Variants in SGCD observed in about 807,000 individuals in gnomAD.
The protein encoded by SGCD is delta-sarcoglycan.
In SGCD, 18 loss-of-function variants were observed where a neutral mutation model predicts 36.6. The observed-to-expected ratio is 0.49, with a 90% CI of 0.34 to 0.73. SGCD has a LOEUF of 0.73. Among genes scored for constraint, SGCD ranks in the 30% least tolerant of loss-of-function variants. The probability of loss-of-function intolerance (pLI) is 0.01; values close to 1 mark genes in which losing one functional copy is unlikely to be tolerated. For synonymous variants in SGCD, 133 were observed against 130.6 expected, an observed-to-expected ratio of 1.02 and a Z score of -0.12; for missense variants, 387 against 346.7, an observed-to-expected ratio of 1.12 and a Z score of -0.92.
At chr5:155,910,129 G>T (rs916938069) in intron 1 of SGCD, among the ~76,000 whole-genome samples, 8 of 151,886 alleles carry the variant, frequency 5.3e-5, no homozygotes, top group Non-Finnish European at 1.2e-4. Context: ...GTTGGGTGAG[G>T]ATGGGAAATG....
chr5:156,595,652 G>A (rs928913226), intron 6 of SGCD, among the ~76,000 whole-genome samples: 10 of 152,186 alleles, frequency 6.6e-5, no homozygotes, highest in Non-Finnish European at 1.2e-4. Context: ...GTCTCATTTA[G>A]AACATCCTGT....
chr5:156,444,755 T>A (rs1363001692), intron 3 of SGCD, among the ~76,000 whole-genome samples: 1 of 152,140 alleles, frequency 6.6e-6, no homozygotes, highest in Non-Finnish European at 1.5e-5. Flanking sequence ...ACATTCAGCA[T>A]GAAAATGTAT....
chr5:156,303,993 C>T (rs1767130208), intron 3 of SGCD, among the ~76,000 whole-genome samples: 1 of 151,960 alleles, frequency 6.6e-6, no homozygotes, highest in African/African-American at 2.4e-5. Context: ...GTCATAGGCA[C>T]CCCAAATTCA....
chr5:155,924,324 T>C (rs968274671), intron 1 of SGCD, among the ~76,000 whole-genome samples: 1 of 152,152 alleles, frequency 6.6e-6, no homozygotes, highest in Non-Finnish European at 1.5e-5. Flanking sequence ...ATTCATCAAA[T>C]AGTTTATTGT....
intron 3 of SGCD, among the ~76,000 whole-genome samples, chr5:156,497,987 G>A (rs1463493808): frequency 1.3e-5 from 2 of 152,068 alleles, no homozygotes; most frequent in African/African-American, 4.8e-5. Flanking sequence ...CATTCTCTGT[G>A]TCTTATTCAG....
At chr5:156,032,762 A>G (rs1010839580) in intron 1 of SGCD, among the ~76,000 whole-genome samples, 1 of 148,214 alleles carries the variant, frequency 6.7e-6, no homozygotes, top group Non-Finnish European at 1.5e-5. Flanking sequence ...AAATACACCT[A>G]GCACCAGGCA....
chr5:155,843,452 A>G, the SGCD span, among the ~76,000 whole-genome samples: 5 of 152,322 alleles, frequency 3.3e-5, no homozygotes, highest in Admixed American at 2.6e-4. Flanking sequence ...AAAGGGAGGT[A>G]ACAGCAGATT....
rs185110025 is a variant in SGCD at position 156,075,203 on chromosome 5, T to C, written c.-281-42675T>C. 7.6e-5 allele frequency among the ~76,000 whole-genome samples: 11 copies of C among 145,496 alleles called. No individual in the cohort carries two copies. The East Asian group carries it at 2.1e-3, about 28-fold the overall frequency. On this transcript the variant is annotated intron_variant, in intron 1 of 9. Transcript: ENST00000517913. ...TGTAGTCAAATTTACAAAAAAAAAA[T>C]GCAGAAAGTGAATTAGAACTCTTTA...
At position 156,759,459 on chromosome 5, in the gene SGCD, C is replaced by T; in HGVS notation, c.*69C>T. The T allele has an allele frequency of 9.4e-7, 1 of 1,058,798 alleles. No individual in the cohort carries two copies. The allele number at this position is 1,058,798 out of a possible 1,614,324, so 65.6% of individuals were successfully genotyped here. On this transcript the variant is annotated 3_prime_UTR_variant, in exon 9 of 9. Coordinates refer to ENST00000337851, the MANE Select transcript of SGCD (RefSeq NM_000337.6). ...TTTGGCTTTAGACACTGGCTGCCAG[C>T]TATTTTTACTAGAACACAGAAAGCC...
chr5:156,090,477 G>A (rs1178773236), intron 1 of SGCD, among the ~76,000 whole-genome samples: 1 of 152,134 alleles, frequency 6.6e-6, no homozygotes, highest in East Asian at 1.9e-4. Flanking sequence ...GGGAGGGGGT[G>A]TTACATGCTT....
At chr5:155,976,858 C>A (rs1226220611) in intron 1 of SGCD, among the ~76,000 whole-genome samples, 1 of 152,154 alleles carries the variant, frequency 6.6e-6, no homozygotes, top group Non-Finnish European at 1.5e-5. Flanking sequence ...TCCAAGCCTG[C>A]AACCACTGTG....
chr5:156,196,312 A>C (rs917972422), intron 3 of SGCD, among the ~76,000 whole-genome samples: 1 of 152,146 alleles, frequency 6.6e-6, no homozygotes, highest in Non-Finnish European at 1.5e-5. Flanking sequence ...TTCAATTTTC[A>C]TCTTGTACTT....
chr5:156,493,006 C>A (rs1756014584), intron 3 of SGCD, among the ~76,000 whole-genome samples: 1 of 152,090 alleles, frequency 6.6e-6, no homozygotes, highest in South Asian at 2.1e-4. Flanking sequence ...CTATTGTGAA[C>A]AGTGCCGCAA....
At chr5:156,279,496 C>T (rs916302938) in intron 3 of SGCD, among the ~76,000 whole-genome samples, 11 of 152,002 alleles carry the variant, frequency 7.2e-5, no homozygotes, top group African/African-American at 2.7e-4. Flanking sequence ...TCAGAACAAC[C>T]CTATGGTGAA....
chr5:156,336,926 A>C (rs1008593580), intron 2 of SGCD, among the ~76,000 whole-genome samples: 4 of 152,250 alleles, frequency 2.6e-5, no homozygotes, highest in African/African-American at 9.6e-5. Flanking sequence ...TTTAAAAAGA[A>C]ACTGCCATTC....
At chr5:155,733,810 A>T in the SGCD span, among the ~76,000 whole-genome samples, 1 of 152,062 alleles carries the variant, frequency 6.6e-6, no homozygotes, top group East Asian at 1.9e-4. Context: ...TGGTGATTTG[A>T]CTTCATCAAG....
At position 156,639,345 on chromosome 5, in the gene SGCD, ACT is replaced by A. The variant is rs982621012; in HGVS notation, c.503-8116_503-8115del. ...TTCATGGAGAACCCTGAACTTTAAC[ACT>A]CTGTTTTCAGCATTCACATGTGTCA... On this transcript the variant is annotated intron_variant, in intron 6 of 8. Transcript: ENST00000337851. Among the ~76,000 whole-genome samples the A allele has an allele frequency of 1.6e-4, 24 of 152,120 alleles. 2 individuals are homozygous for A. Among genetic ancestry groups the A allele is most frequent in the Middle Eastern group, 3.4e-3 (1 of 292 alleles).
intron 4 of SGCD, among the ~76,000 whole-genome samples, chr5:156,521,920 C>T (rs1351506295): frequency 2.6e-4 from 40 of 152,096 alleles, no homozygotes; most frequent in Non-Finnish European, 8.8e-5. Flanking sequence ...GCACTATTTA[C>T]AATAGCAAAG....
intron 3 of SGCD, among the ~76,000 whole-genome samples, chr5:156,197,735 T>C (rs1210254833): frequency 3.3e-5 from 5 of 152,104 alleles, no homozygotes; most frequent in Non-Finnish European, 5.9e-5. Flanking sequence ...GATTTTTATC[T>C]CTCCCAAATT....
Sources: allele counts gnomAD v4.1 joint callset (sites outside exome capture counted in the v4.1 genomes callset), GRCh38; gene constraint gnomAD v4.1.1; transcripts MANE v1.5; gene names NCBI Gene and HGNC (gene_info 2026-07-23, HGNC 2026-07-21).